The following MED12L variants were observed in gnomAD, a reference collection of about 807,000 sequenced individuals.
MED12L encodes the protein mediator of RNA polymerase II transcription subunit 12-like protein.
In MED12L, 60 loss-of-function variants were observed where a neutral mutation model predicts 281.3. The ratio of observed to expected loss-of-function variants is 0.21; its 90% CI spans 0.17 to 0.26. The LOEUF is 0.26. MED12L is among the 10% of genes least tolerant of loss of function. The probability of loss-of-function intolerance (pLI) is 1.00; values close to 1 mark genes in which losing one functional copy is unlikely to be tolerated. For missense variants in MED12L, 2,146 were observed against 2,680.9 expected (o/e 0.80, Z 4.41); for synonymous variants, 974 against 987.2 (o/e 0.99, Z 0.25).
intron 31 of MED12L, among the ~76,000 whole-genome samples, chr3:151,379,151 T>C (rs1046571949): frequency 6.6e-6 from 1 of 152,234 alleles, no homozygotes; most frequent in African/African-American, 2.4e-5. Context: ...TGTTTTACCA[T>C]GTTGGCCAGG....
At chr3:151,141,175 TTTGTTTTTTTTG>T (rs1716895649) in intron 5 of MED12L, among the ~76,000 whole-genome samples, 1 of 124,118 alleles carries the variant, frequency 8.1e-6, no homozygotes, top group African/African-American at 4.1e-5. Flanking sequence ...CGTTTTTTTT[TTTGTTTTTTTTG>T]TTTTTTTTTT....
rs1719347251 is a variant in MED12L at position 151,430,400 on chromosome 3, A to G, written c.6490+20A>G. On this transcript the variant is annotated intron_variant, in intron 44 of 44. Coordinates refer to ENST00000687756, the MANE Select transcript of MED12L (RefSeq NM_001393769.1). The stretch of plus-strand genomic sequence containing the variant: ...TTTCCAGTAAGTACCCCTGTGTGTC[A>G]TGGAACAGACAGCTCCCGGAAAATT... The G allele has an allele frequency of 1.9e-6, 3 of 1,613,454 alleles. No homozygotes were observed. The highest frequency in any genetic ancestry group is 1.3e-5 in the African/African-American group (1 of 74,906).
At chr3:151,396,213 CT>C (rs59387606) in intron 39 of MED12L, among the ~76,000 whole-genome samples, 63,984 of 152,030 alleles carry the variant, frequency 0.42, 13,598 homozygotes, top group Middle Eastern at 0.48. Context: ...ATTTTTAGCT[CT>C]TTTTTGGGAA....
intron 17 of MED12L, among the ~76,000 whole-genome samples, chr3:151,354,746 A>G (rs1753702885): frequency 6.6e-6 from 1 of 152,358 alleles, no homozygotes; most frequent in East Asian, 1.9e-4. Context: ...TTTAGAACAC[A>G]TTAAAATTAC....
At position 151,193,536 on chromosome 3, in the gene MED12L, C is replaced by T. The variant is rs903557574; in HGVS notation, c.2120C>T (p.Ser707Leu). The T allele has an allele frequency of 6.2e-7, 1 of 1,613,792 alleles. No homozygotes were observed. Among genetic ancestry groups the T allele is most frequent in the South Asian group, 1.1e-5 (1 of 91,076 alleles). ...GAATCCTGTGAGAATGCCAACACTT[C>T]GTTGGGCAGAAGAATGTCAGTTAAT... is the stretch of plus-strand genomic sequence containing the variant. The part of the protein sequence containing the change: ...PGESCENANT[S>L]LGRRMSVNCE... The change falls in exon 16 of 45, where the codon TCG becomes TTG. Residue 707 changes from serine to leucine, a missense_variant. By Grantham distance (145) the Ser-to-Leu change is moderately radical. Around this residue, in one of 9 missense-constraint regions of MED12L, gnomAD observed 722 missense variants for 861.2 expected, o/e 0.84. Transcript: ENST00000687756.
intron 5 of MED12L, among the ~76,000 whole-genome samples, chr3:151,134,070 C>T (rs73155784): frequency 3.5e-3 from 538 of 152,204 alleles, no homozygotes; most frequent in Non-Finnish European, 5.9e-3. Context: ...AGCAGGGATA[C>T]GGTGCTAACT....
intron 16 of MED12L, chr3:151,199,488 A>G (rs1725213959): frequency 7.8e-6 from 8 of 1,022,858 alleles, no homozygotes; most frequent in East Asian, 4.8e-5. Context: ...ATTAGCAACT[A>G]TTTTCTTTAA....
At position 151,435,335 on chromosome 3, in the gene MED12L, T is replaced by A. The variant is rs971752301; in HGVS notation, c.*2531T>A. 1.4e-5 allele frequency: 2 copies of A among 147,668 alleles called. No individual in the cohort carries two copies. The highest frequency in any genetic ancestry group is 2.5e-5 in the African/African-American group (1 of 39,742). The allele number at this position is 147,668 out of a possible 1,614,324, so 9.1% of individuals were successfully genotyped here. On this transcript the variant is annotated 3_prime_UTR_variant, in exon 45 of 45. Coordinates refer to ENST00000687756, the MANE Select transcript of MED12L (RefSeq NM_001393769.1). ...AGGCTTTTTCTTAATAGGGTTGCATTTGTCAGTCATTGCATTTACCCTTCT... is the reference window on the plus strand; with the variant it reads ...AGGCTTTTTCTTAATAGGGTTGCATATGTCAGTCATTGCATTTACCCTTCT...
rs766141715 is a variant in MED12L at position 151,188,372 on chromosome 3, G to A, written c.1645G>A (p.Val549Ile). 1 of 1,606,308 alleles carries A rather than the reference G, an allele frequency of 6.2e-7. No individual in the cohort carries two copies. The highest frequency in any genetic ancestry group is 8.5e-7 in the Non-Finnish European group (1 of 1,173,130). The change falls in exon 13 of 45, where the codon GTC (valine) becomes ATC (isoleucine). Residue 549 changes from valine (V) to isoleucine (I), a missense_variant. Physicochemically the swap from Val to Ile is conservative, Grantham distance 29. Transcript: ENST00000687756. ...IEAERCGESE[V>I]LDEKESISSS... Reference sequence around the variant, plus strand: ...TCTGTAGAGATGTGGTGAATCAGAAGTCTTAGATGAGAAGGAGTCTATTTC... The same window carrying A: ...TCTGTAGAGATGTGGTGAATCAGAAATCTTAGATGAGAAGGAGTCTATTTC...
intron 5 of MED12L, among the ~76,000 whole-genome samples, chr3:151,135,253 G>A (rs1405884749): frequency 2.0e-5 from 3 of 152,196 alleles, no homozygotes; most frequent in Non-Finnish European, 4.4e-5. Flanking sequence ...CTGACCTCAG[G>A]TGATCTGCCC....
At chr3:151,104,171 G>A (rs548961616) in intron 2 of MED12L, among the ~76,000 whole-genome samples, 1 of 152,224 alleles carries the variant, frequency 6.6e-6, no homozygotes, top group African/African-American at 2.4e-5. Context: ...TATAGGTGAC[G>A]GTGGATGTAA....
intron 11 of MED12L, among the ~76,000 whole-genome samples, chr3:151,166,603 G>A (rs953714199): frequency 6.6e-6 from 1 of 152,082 alleles, no homozygotes; most frequent in African/African-American, 2.4e-5. Context: ...GAGACTCAAG[G>A]AAGAACTGAT....
At chr3:151,102,002 C>A (rs1721451603) in intron 2 of MED12L, among the ~76,000 whole-genome samples, 1 of 152,138 alleles carries the variant, frequency 6.6e-6, no homozygotes, top group South Asian at 2.1e-4. Context: ...TGCTTGAGGA[C>A]CTCAGAGTGA....
intron 5 of MED12L, among the ~76,000 whole-genome samples, chr3:151,149,420 A>G (rs1718164319): frequency 6.6e-6 from 1 of 152,224 alleles, no homozygotes; most frequent in African/African-American, 2.4e-5. Flanking sequence ...GTGCAATAGC[A>G]TATGTCAAAA....
chr3:151,296,302 A>T lies in MED12L; in HGVS notation c.2251-53757A>T, dbSNP rs568168901. ...CAGTGAAATGGGTCATGAGCATTTG[A>T]CTTATGTGGCAGCCATGGACATGGG... is the stretch of plus-strand genomic sequence containing the variant. On this transcript the variant is annotated intron_variant, in intron 16 of 44. Transcript: ENST00000687756. 5.9e-5 allele frequency among the ~76,000 whole-genome samples: 9 copies of T among 152,242 alleles called. No homozygotes were observed. The East Asian group carries it at 1.5e-3, about 26-fold the overall frequency.
At chr3:151,142,599 T>C (rs1717182999) in intron 5 of MED12L, among the ~76,000 whole-genome samples, 4 of 152,230 alleles carry the variant, frequency 2.6e-5, no homozygotes. Context: ...ACCAGTTTCA[T>C]GCATATCCTC....
chr3:151,109,398 G>T (rs983521336), intron 2 of MED12L, among the ~76,000 whole-genome samples: 1 of 152,158 alleles, frequency 6.6e-6, no homozygotes, highest in African/African-American at 2.4e-5. Flanking sequence ...GTGAACACAG[G>T]CCTTACATAT....
Position 151,380,137 on chromosome 3 carries a change from C to A in MED12L, c.4503C>A (p.Pro1501=), listed in dbSNP as rs764494396. 6.2e-7 allele frequency: 1 copy of A among 1,603,734 alleles called. No individual in the cohort carries two copies. Among genetic ancestry groups the A allele is most frequent in the South Asian group, 1.1e-5 (1 of 89,802 alleles). Residue 1501 remains proline (P), a synonymous_variant, in exon 32 of 45, where the codon CCC becomes CCA. Coordinates refer to ENST00000687756, the MANE Select transcript of MED12L (RefSeq NM_001393769.1). ...QKSMSLLSQQ[P]FLSLVLTCLK... is the part of the protein sequence containing the mutation. ...GTATGTCTCTTTTGAGTCAACAACC[C>A]TTCCTCTCACTGGTACTTACCTGCC...
chr3:151,307,223 A>G (rs1746774430), intron 16 of MED12L, among the ~76,000 whole-genome samples: 1 of 152,352 alleles, frequency 6.6e-6, no homozygotes, highest in South Asian at 2.1e-4. Context: ...GTGTTTTTCA[A>G]CAATGCTAAG....
Sources: gnomAD v4.1 joint callset for allele counts (sites outside exome capture counted in the v4.1 genomes callset) on GRCh38, gnomAD v4.1.1 for gene constraint, gnomAD v4.1.1 regional missense constraint, MANE v1.5 for transcripts, NCBI Gene and HGNC (gene_info 2026-07-23, HGNC 2026-07-21) for gene names.